The following SERINC2 variants were observed in gnomAD, a reference collection of about 807,000 sequenced individuals.
SERINC2 encodes the protein serine incorporator 2.
A neutral mutation model predicts 54.2 loss-of-function variants in SERINC2; 56 were observed. The ratio of observed to expected loss-of-function variants is 1.03; its 90% CI spans 0.83 to 1.29. SERINC2 has a LOEUF of 1.29. Ranked by LOEUF, SERINC2 falls within the 50% of genes most tolerant of loss-of-function variation. The pLI, the probability that SERINC2 is intolerant of heterozygous loss-of-function variation, is 0.00. For missense variants in SERINC2, 614 were observed against 607.4 expected (o/e 1.01, Z -0.12); for synonymous variants, 272 against 253.1 (o/e 1.07, Z -0.71).
rs1640694276 is a variant in SERINC2 at position 31,413,368 on chromosome 1, C to T, written c.39+64C>T. ...CGTTCCTGCTGCGGGCCCTCACTTT[C>T]TTCTGTTCTGCTCCGAGTAGTTTCT... On this transcript the variant is annotated intron_variant, in intron 1 of 9. Transcript: ENST00000373709. This position sits in a 1 kb window ranked among gnomAD's most constrained non-coding sequence, Gnocchi z 5.0. The T allele has an allele frequency of 1.1e-6, 1 of 902,164 alleles. No individual in the cohort carries two copies. The highest frequency in any genetic ancestry group is 1.5e-6 in the Non-Finnish European group (1 of 685,112). 55.9% of individuals were successfully genotyped at this position (902,164 alleles called of 1,614,324 possible).
At chr1:31,432,111 T>G (rs141060841) in intron 8 of SERINC2, among the ~76,000 whole-genome samples, 737 of 10,436 alleles carry the variant, frequency 0.071, 32 homozygotes, top group Non-Finnish European at 0.097. Context: ...ACAGGGTGGA[T>G]AGGGTGGTTA....
chr1:31,427,824 CTTTTTTTTTTTT>C (rs71035099), intron 6 of SERINC2, among the ~76,000 whole-genome samples: 2 of 76,576 alleles, frequency 2.6e-5, no homozygotes, highest in Non-Finnish European at 5.7e-5. Flanking sequence ...TTCTTTCTTT[CTTTTTTTTTTTT>C]TTTTTTTTTT....
At chr1:31,432,084 T>TGGACAGGGTGGAC (rs1641279980) in intron 8 of SERINC2, among the ~76,000 whole-genome samples, 1 of 13,446 alleles carries the variant, frequency 7.4e-5, no homozygotes. Flanking sequence ...ACAGGGTGGT[T>TGGACAGGGTGGAC]AGGGTGGACA....
At chr1:31,412,516 A>G (rs1254423916), upstream of SERINC2, among the ~76,000 whole-genome samples, 1 of 152,138 alleles carries the variant, frequency 6.6e-6, no homozygotes, top group African/African-American at 2.4e-5. Context: ...TCTTAGAAGA[A>G]GCAGTAGGTG....
In SERINC2 at chr1:31,413,733, C is replaced by A; in HGVS notation, c.39+429C>A. On this transcript the variant is annotated intron_variant, in intron 1 of 9. Coordinates refer to ENST00000373709, the MANE Select transcript of SERINC2 (RefSeq NM_178865.5). This position sits in a 1 kb window ranked among gnomAD's most constrained non-coding sequence, Gnocchi z 5.0. Reference sequence around the variant, plus strand: ...TGTAGGTCGCCCGGGCCCCGTCCCTCCTGGCGAGTGCCCTGCCCTACCCCT... The same window carrying A: ...TGTAGGTCGCCCGGGCCCCGTCCCTACTGGCGAGTGCCCTGCCCTACCCCT... 7.6e-7 allele frequency: 1 copy of A among 1,315,610 alleles called. No homozygotes were observed. The highest frequency in any genetic ancestry group is 2.1e-5 in the South Asian group (1 of 48,044). 81.5% of individuals were successfully genotyped at this position (1,315,610 alleles called of 1,614,324 possible).
At chr1:31,432,083 T>TAGGGTGCA (rs1557501056) in intron 8 of SERINC2, among the ~76,000 whole-genome samples, 1 of 19,400 alleles carries the variant, frequency 5.2e-5, no homozygotes, top group Non-Finnish European at 9.6e-5. Flanking sequence ...GACAGGGTGG[T>TAGGGTGCA]TAGGGTGGAC....
chr1:31,431,894 ATAGGGTGGATAGGGTGGATAGGGTGGT>A (rs1641242472), intron 8 of SERINC2, among the ~76,000 whole-genome samples: 3 of 115,914 alleles, frequency 2.6e-5, no homozygotes, highest in Admixed American at 8.1e-5. Flanking sequence ...GACAGGGTGG[ATAGGGTGGATAGGGTGGATAGGGTGGT>A]TAGGGTGGAT....
rs1553133497 is a variant in SERINC2, at chr1:31,425,787, T to A, written c.484T>A (p.Phe162Ile). Residue 162 changes from phenylalanine (F) to isoleucine (I), a missense_variant, in exon 5 of 10, where the codon TTC (phenylalanine) becomes ATC (isoleucine). Coordinates refer to ENST00000373709, the MANE Select transcript of SERINC2 (RefSeq NM_178865.5). ...CTCTCCCCACCCAGTCTGGTTCTACTTCGGCGTCGTGGGCTCCTTCCTCTT... is the reference window on the plus strand; with the variant it reads ...CTCTCCCCACCCAGTCTGGTTCTACATCGGCGTCGTGGGCTCCTTCCTCTT... ...DGSFTNIWFY[F>I]GVVGSFLFIL... 2 of 1,613,250 alleles carry A rather than the reference T, an allele frequency of 1.2e-6. No homozygotes were observed. Among genetic ancestry groups the A allele is most frequent in the East Asian group, 4.5e-5 (2 of 44,882 alleles).
At chr1:31,429,137 TG>T (rs1641126027) in intron 7 of SERINC2, 69 bp downstream of exon 7, 1 of 1,400,580 alleles carries the variant, frequency 7.1e-7, no homozygotes. Flanking sequence ...ACTGTGGGGC[TG>T]GGGACCCTCA....
At chr1:31,430,276 G>T (rs941867506) in intron 8 of SERINC2, among the ~76,000 whole-genome samples, 1 of 152,212 alleles carries the variant, frequency 6.6e-6, no homozygotes, top group South Asian at 2.1e-4. Context: ...CACTTTGGGA[G>T]GCCGAGGTGG....
At chr1:31,426,860 C>A (rs782518374) in intron 6 of SERINC2, 37 bp downstream of exon 6, 2 of 1,583,116 alleles carry the variant, frequency 1.3e-6, no homozygotes, top group Non-Finnish European at 1.7e-6. Flanking sequence ...TGAAGCCCGG[C>A]CCCTTAGTGG....
intron 1 of SERINC2, among the ~76,000 whole-genome samples, chr1:31,419,774 AG>A (rs1640863615): frequency 6.6e-6 from 1 of 152,190 alleles, no homozygotes; most frequent in Non-Finnish European, 1.5e-5. Context: ...GGCTTCAGTG[AG>A]CTGAGATCAC....
rs1052621602 is a variant in SERINC2 at position 31,420,831 on chromosome 1, G to A, written c.40-2862G>A. On this transcript the variant is annotated intron_variant, in intron 1 of 9. Transcript: ENST00000373709. The stretch of plus-strand genomic sequence containing the variant: ...AGTGCCTGGGACTGAGTAACCCTTC[G>A]TAAATGGTAGCTGCCACTAATACTA... Among the ~76,000 whole-genome samples the A allele has an allele frequency of 7.2e-5, 11 of 152,122 alleles. 1 individual carries two copies. The highest frequency in any genetic ancestry group is 2.6e-4 in the Admixed American group (4 of 15,276).
intron 3 of SERINC2, 103 bp from the exon 4 acceptor site, chr1:31,425,227 A>C (rs1371164867): frequency 1.1e-6 from 1 of 871,740 alleles, no homozygotes; most frequent in East Asian, 2.4e-5. Flanking sequence ...CCCTCTCAGC[A>C]CCTGCTGTTT....
chr1:31,434,326 G>T lies in SERINC2; in HGVS notation c.*127G>T, dbSNP rs889819042. On this transcript the variant is annotated 3_prime_UTR_variant, in exon 10 of 10. Transcript: ENST00000373709. ...GCCCCCACCCCTGCCCCAGCTCCAG[G>T]ACCTGCCCCTGAGCCGGGCCTTCTA... 1.1e-4 allele frequency: 110 copies of T among 994,996 alleles called. 2 individuals are homozygous for T. The Middle Eastern group carries it at 2.9e-3, about 27-fold the overall frequency. The allele number at this position is 994,996 out of a possible 1,614,324, so 61.6% of individuals were successfully genotyped here.
intron 6 of SERINC2, among the ~76,000 whole-genome samples, chr1:31,428,712 A>T (rs1553133956): frequency 6.6e-6 from 1 of 152,042 alleles, no homozygotes; most frequent in African/African-American, 2.4e-5. Context: ...GGTGGAGATG[A>T]AGGAATTCAG....
chr1:31,413,984 G>A lies in SERINC2; in HGVS notation c.39+680G>A. The A allele has an allele frequency of 6.5e-7, 1 of 1,529,816 alleles. No homozygotes were observed. The highest frequency in any genetic ancestry group is 8.7e-7 in the Non-Finnish European group (1 of 1,144,598). The allele number at this position is 1,529,816 out of a possible 1,614,324, so 94.8% of individuals were successfully genotyped here. A position where few individuals can be genotyped will look rare whatever the true frequency, so the allele number is the denominator to read the frequency against. Reference sequence around the variant, plus strand: ...TCAGGCACTTCCCCAGCTCGCCCCGGATCATCTGGGCCCCAGCGCGGAGAC... The same window carrying A: ...TCAGGCACTTCCCCAGCTCGCCCCGAATCATCTGGGCCCCAGCGCGGAGAC... On this transcript the variant is annotated intron_variant, in intron 1 of 9. Transcript: ENST00000373709. The surrounding 1 kb of genome is among the most constrained non-coding windows in gnomAD (Gnocchi z 5.0).
In SERINC2 at chr1:31,434,491, T is replaced by C; in HGVS notation, c.*292T>C. ...CAGCATCTCGGATGAAAGGGCTCCC[T>C]TGTCCTCAGGCTCCACGGGAGCGGG... On this transcript the variant is annotated 3_prime_UTR_variant, in exon 10 of 10. Transcript: ENST00000373709. 2.3e-6 allele frequency: 1 copy of C among 427,912 alleles called. No homozygotes were observed. The highest frequency in any genetic ancestry group is 3.5e-5 in the South Asian group (1 of 28,618). 26.5% of individuals were successfully genotyped at this position (427,912 alleles called of 1,614,324 possible). A position where few individuals can be genotyped will look rare whatever the true frequency, so the allele number is the denominator to read the frequency against.
intron 2 of SERINC2, among the ~76,000 whole-genome samples, chr1:31,424,085 C>T (rs782127067): frequency 8.5e-5 from 13 of 152,142 alleles, no homozygotes; most frequent in Admixed American, 2.0e-4. Flanking sequence ...ATTATCGCCC[C>T]CTGGACACTG....
Sources: gnomAD v4.1 joint callset for allele counts (sites outside exome capture counted in the v4.1 genomes callset) on GRCh38, gnomAD v4.1.1 for gene constraint, Gnocchi (gnomAD v3.1) non-coding constraint, MANE v1.5 for transcripts, NCBI Gene and HGNC (gene_info 2026-07-23, HGNC 2026-07-21) for gene names.